MAML2: variants seen among roughly 807,000 people sequenced by gnomAD.
MAML2 encodes the protein mastermind-like protein 2.
A neutral mutation model predicts 96.1 loss-of-function variants in MAML2; 22 were observed. The ratio of observed to expected loss-of-function variants is 0.23; its 90% CI spans 0.16 to 0.33. The LOEUF is 0.33. Among genes scored for constraint, MAML2 ranks in the 10% least tolerant of loss-of-function variants. The pLI, the probability that MAML2 is intolerant of heterozygous loss-of-function variation, is 1.00. For missense variants in MAML2, 1,367 were observed against 1,392.4 expected (o/e 0.98, Z 0.29); for synonymous variants, 561 against 521.3 (o/e 1.08, Z -1.04).
chr11:96,084,328 C>A (rs1247950114), intron 2 of MAML2, among the ~76,000 whole-genome samples: 1 of 152,090 alleles, frequency 6.6e-6, no homozygotes, highest in African/African-American at 2.4e-5. Context: ...TGATCAAATT[C>A]CTATTTTAGA....
intron 1 of MAML2, among the ~76,000 whole-genome samples, chr11:96,213,814 T>C (rs1181853886): frequency 1.3e-5 from 2 of 152,222 alleles, no homozygotes; most frequent in Non-Finnish European, 2.9e-5. Context: ...CAATTTTCAA[T>C]GAATTTAAAT....
chr11:96,044,659 C>A (rs1470144218), intron 2 of MAML2, among the ~76,000 whole-genome samples: 1 of 152,122 alleles, frequency 6.6e-6, no homozygotes, highest in Non-Finnish European at 1.5e-5. Flanking sequence ...GAAAGAGCAA[C>A]CATGCAGGTA....
intron 1 of MAML2, among the ~76,000 whole-genome samples, chr11:96,311,533 G>A (rs1447408132): frequency 2.0e-5 from 3 of 152,196 alleles, no homozygotes; most frequent in Non-Finnish European, 4.4e-5. Context: ...GCTAGAGATG[G>A]CGGTACCTAG....
chr11:96,157,438 T>C (rs1316484901), intron 1 of MAML2, among the ~76,000 whole-genome samples: 2 of 152,274 alleles, frequency 1.3e-5, no homozygotes, highest in Admixed American at 1.3e-4. Flanking sequence ...AGTAGGAGAA[T>C]AATTTTCATT....
At chr11:96,249,283 T>A (rs1862552321) in intron 1 of MAML2, among the ~76,000 whole-genome samples, 1 of 152,186 alleles carries the variant, frequency 6.6e-6, no homozygotes, top group Non-Finnish European at 1.5e-5. Flanking sequence ...GATATTGGAG[T>A]GTTAGCACTC....
intron 1 of MAML2, among the ~76,000 whole-genome samples, chr11:96,156,227 C>T (rs1861009172): frequency 6.6e-6 from 1 of 152,184 alleles, no homozygotes; most frequent in African/African-American, 2.4e-5. Context: ...CTCCTCAACC[C>T]CCTGCAAGGA....
At chr11:96,249,063 C>A (rs1266072811) in intron 1 of MAML2, among the ~76,000 whole-genome samples, 1 of 152,210 alleles carries the variant, frequency 6.6e-6, no homozygotes, top group Non-Finnish European at 1.5e-5. Context: ...TCACCAATGA[C>A]TTTCACCTGA....
At chr11:96,087,598 T>C (rs1859638166) in intron 2 of MAML2, among the ~76,000 whole-genome samples, 2 of 152,234 alleles carry the variant, frequency 1.3e-5, no homozygotes, top group South Asian at 4.1e-4. Context: ...TGTCATTATA[T>C]TTACCCTTGA....
At chr11:96,098,210 G>C (rs1330405862) in intron 1 of MAML2, among the ~76,000 whole-genome samples, 2 of 152,198 alleles carry the variant, frequency 1.3e-5, no homozygotes, top group African/African-American at 4.8e-5. Context: ...CATCACTCCT[G>C]AGGCTCCAAT....
intron 2 of MAML2, among the ~76,000 whole-genome samples, chr11:96,006,563 CT>C (rs367732430): frequency 7.7e-4 from 106 of 138,546 alleles, no homozygotes; most frequent in Admixed American, 1.1e-3. Context: ...TTTTTTTTTT[CT>C]TTTTTTTTTT....
chr11:96,031,226 C>T (rs1448997157), intron 2 of MAML2, among the ~76,000 whole-genome samples: 2 of 152,182 alleles, frequency 1.3e-5, no homozygotes, highest in African/African-American at 2.4e-5. Context: ...CTGCATTACA[C>T]GTTTTAATGT....
chr11:96,042,473 A>T lies in MAML2; in HGVS notation c.2139+49419T>A, dbSNP rs144237286. 5.0e-3 allele frequency among the ~76,000 whole-genome samples: 761 copies of T among 152,178 alleles called. 25 individuals are homozygous for T. The East Asian group carries it at 0.057, about 11-fold the overall frequency. ...GCAGTAACCTCCCGTGGTCTTCCCCACTGAGGTCAGAGCCACCCTTCTCAA... is the reference window on the plus strand; with the variant it reads ...GCAGTAACCTCCCGTGGTCTTCCCCTCTGAGGTCAGAGCCACCCTTCTCAA... On this transcript the variant is annotated intron_variant, in intron 2 of 4. Coordinates refer to ENST00000524717, the MANE Select transcript of MAML2 (RefSeq NM_032427.4).
At chr11:96,330,352 A>G (rs1863836312) in intron 1 of MAML2, among the ~76,000 whole-genome samples, 2 of 152,242 alleles carry the variant, frequency 1.3e-5, no homozygotes, top group African/African-American at 4.8e-5. Context: ...AAACTGTATT[A>G]TCTCATTTAA....
chr11:96,292,657 G>A (rs974681538), intron 1 of MAML2, among the ~76,000 whole-genome samples: 8 of 152,172 alleles, frequency 5.3e-5, no homozygotes, highest in African/African-American at 1.9e-4. Context: ...AACTCATTTA[G>A]CTGGGTTAGT....
At chr11:95,981,716 G>A (rs371344141) in intron 4 of MAML2, among the ~76,000 whole-genome samples, 13 of 152,250 alleles carry the variant, frequency 8.5e-5, no homozygotes, top group African/African-American at 2.2e-4. Context: ...TAACAGCCAG[G>A]TAGGAGACAC....
intron 1 of MAML2, among the ~76,000 whole-genome samples, chr11:96,194,950 T>C (rs892887700): frequency 6.6e-6 from 1 of 152,250 alleles, no homozygotes; most frequent in African/African-American, 2.4e-5. Context: ...ATACCATTCT[T>C]TGATACATAT....
intron 1 of MAML2, among the ~76,000 whole-genome samples, chr11:96,274,382 C>T (rs1342989004): frequency 6.6e-6 from 1 of 151,846 alleles, no homozygotes; most frequent in African/African-American, 2.4e-5. Context: ...GCACCTGGCC[C>T]CTACTTTTAT....
chr11:96,318,609 G>A (rs77632715), intron 1 of MAML2, among the ~76,000 whole-genome samples: 56 of 152,312 alleles, frequency 3.7e-4, no homozygotes, highest in Non-Finnish European at 3.4e-4. Flanking sequence ...ACGGTTTGAT[G>A]TCCTTGTACT....
intron 1 of MAML2, among the ~76,000 whole-genome samples, chr11:96,126,608 G>A (rs1303695646): frequency 6.6e-6 from 1 of 152,104 alleles, no homozygotes; most frequent in Non-Finnish European, 1.5e-5. Flanking sequence ...ACTGTATCCG[G>A]ATTCTGATGA....
Sources: allele counts gnomAD v4.1 joint callset (sites outside exome capture counted in the v4.1 genomes callset), GRCh38; gene constraint gnomAD v4.1.1; transcripts MANE v1.5; gene names NCBI Gene and HGNC (gene_info 2026-07-23, HGNC 2026-07-21).